DTNA: variants seen among roughly 807,000 people sequenced by gnomAD.
The protein encoded by DTNA is dystrophin-related protein 3.
In DTNA, 43 loss-of-function variants were observed where a neutral mutation model predicts 100.7. The observed-to-expected ratio is 0.43, with a 90% CI of 0.33 to 0.55. The LOEUF (loss-of-function observed/expected upper bound fraction) is 0.55. Among genes scored for constraint, DTNA ranks in the 20% least tolerant of loss-of-function variants. The pLI is 0.04. For missense variants in DTNA, 798 were observed against 953.9 expected, an observed-to-expected ratio of 0.84 and a Z score of 2.15; for synonymous variants, 349 against 347.9, an observed-to-expected ratio of 1.00 and a Z score of -0.04.
intron 1 of DTNA, among the ~76,000 whole-genome samples, chr18:34,544,496 A>T (rs1222362038): frequency 2.0e-5 from 3 of 152,114 alleles, no homozygotes; most frequent in African/African-American, 4.8e-5. Context: ...CTAGAAAGGA[A>T]AATCAAGGAA....
At position 34,868,574 on chromosome 18, in the gene DTNA, C is replaced by T. The variant is rs371645269; in HGVS notation, c.1743+4512C>T. 4.8e-4 allele frequency: 470 copies of T among 985,432 alleles called. No homozygotes were observed. In the Middle Eastern group the frequency reaches 5.7e-3, roughly 12 times the overall value. The allele number at this position is 985,432 out of a possible 1,614,324, so 61.0% of individuals were successfully genotyped here. On this transcript the variant is annotated intron_variant, in intron 17 of 22. Coordinates refer to ENST00000444659, the MANE Select transcript of DTNA (RefSeq NM_001386795.1). ...TAAAACCAAACTTAGAACACCCCCA[C>T]ACAACAAATTGTGCTGGATTTAATA...
At chr18:34,887,651 G>C (rs566519126) in intron 22 of DTNA, 115 bp from the exon 23 acceptor site, 1 of 727,342 alleles carries the variant, frequency 1.4e-6, no homozygotes, top group East Asian at 1.3e-4. Flanking sequence ...ATGTGTGTGT[G>C]TGTGTGCGCG....
chr18:34,802,375 T>C (rs999975622), intron 4 of DTNA, among the ~76,000 whole-genome samples: 7 of 152,220 alleles, frequency 4.6e-5, no homozygotes, highest in Admixed American at 1.3e-4. Flanking sequence ...CTGAGGAGCT[T>C]CCCATTATCC....
chr18:34,826,656 A>G (rs1195729018), intron 9 of DTNA, among the ~76,000 whole-genome samples: 1 of 152,198 alleles, frequency 6.6e-6, no homozygotes, highest in Non-Finnish European at 1.5e-5. Flanking sequence ...CAAATATAGA[A>G]TTATAGTGAA....
chr18:34,820,697 C>T (rs777044068), intron 8 of DTNA, 94 bp from the exon 9 acceptor site: 230 of 1,578,054 alleles, frequency 1.5e-4, no homozygotes, highest in Non-Finnish European at 1.9e-4. Context: ...GGATTTCTTC[C>T]GTAAATGAAT....
intron 1 of DTNA, among the ~76,000 whole-genome samples, chr18:34,536,053 CATAAA>C (rs1446544132): frequency 6.6e-6 from 1 of 151,944 alleles, no homozygotes; most frequent in African/African-American, 2.4e-5. Context: ...AATTTTCTGA[CATAAA>C]ATAAGGTGTA....
In DTNA at chr18:34,838,602, T is replaced by C; in HGVS notation, c.1254-143T>C. On this transcript the variant is annotated intron_variant, in intron 12 of 22. Transcript: ENST00000444659. ...ATTGCCTGGATTTCACTTGTGTTTT[T>C]CATAGCACATCACTTACTACCCTTC... The C allele has an allele frequency of 5.6e-6, 4 of 718,308 alleles. No individual in the cohort carries two copies. In the South Asian group the frequency reaches 5.9e-5, roughly 11 times the overall value. 44.5% of individuals were successfully genotyped at this position (718,308 alleles called of 1,614,324 possible). A position where few individuals can be genotyped will look rare whatever the true frequency, so the allele number is the denominator to read the frequency against.
upstream of DTNA, among the ~76,000 whole-genome samples, chr18:34,706,719 C>G (rs941052394): frequency 8.5e-5 from 13 of 152,066 alleles, no homozygotes; most frequent in Admixed American, 6.6e-4. Flanking sequence ...AGGAAAAGTG[C>G]ATGTTTGAAA....
intron 3 of DTNA, among the ~76,000 whole-genome samples, chr18:34,775,287 C>T (rs1168455602): frequency 1.3e-5 from 2 of 152,060 alleles, no homozygotes. Context: ...GAGATCGAGA[C>T]GATCCTGGTG....
intron 1 of DTNA, among the ~76,000 whole-genome samples, chr18:34,645,770 C>T (rs9961854): frequency 0.057 from 8,629 of 152,212 alleles, 735 homozygotes; most frequent in African/African-American, 0.19. Flanking sequence ...AAAAGTAAGT[C>T]AGATGCTTTC....
At position 34,630,381 on chromosome 18, in the gene DTNA, C is replaced by T. The variant is rs146966402; in HGVS notation, c.-1-125595C>T. Among the ~76,000 whole-genome samples, 13 of 152,224 alleles carry T rather than the reference C, an allele frequency of 8.5e-5. No homozygotes were observed. The East Asian group carries it at 2.5e-3, about 29-fold the overall frequency. On this transcript the variant is annotated intron_variant, in intron 1 of 19. Transcript: ENST00000283365. ...GAAATAACTGATACTAACTCTAAGC[C>T]TTAGCTGCTAATCACATGCAGTGTA...
At chr18:34,582,421 T>C (rs936333327) in intron 1 of DTNA, among the ~76,000 whole-genome samples, 2 of 152,164 alleles carry the variant, frequency 1.3e-5, no homozygotes, top group Admixed American at 1.3e-4. Context: ...GGGACACTGG[T>C]ATTTCTTCTA....
chr18:34,525,668 C>T (rs546379739), intron 1 of DTNA, among the ~76,000 whole-genome samples: 1 of 152,114 alleles, frequency 6.6e-6, no homozygotes, highest in Non-Finnish European at 1.5e-5. Flanking sequence ...TAAAACTACT[C>T]CTCTGACGCT....
At chr18:34,761,662 A>G (rs2093178298) in intron 2 of DTNA, among the ~76,000 whole-genome samples, 1 of 152,250 alleles carries the variant, frequency 6.6e-6, no homozygotes, top group African/African-American at 2.4e-5. Flanking sequence ...ACATGGGTAC[A>G]AGAGGCTTGA....
intron 2 of DTNA, among the ~76,000 whole-genome samples, chr18:34,763,661 A>G (rs2093320003): frequency 6.6e-6 from 1 of 152,186 alleles, no homozygotes; most frequent in Non-Finnish European, 1.5e-5. Flanking sequence ...TGTATATTCT[A>G]TACAGGTAAA....
At chr18:34,838,209 A>C (rs754615804) in intron 12 of DTNA, 38 bp downstream of exon 12, 1 of 1,604,968 alleles carries the variant, frequency 6.2e-7, no homozygotes, top group Non-Finnish European at 8.5e-7. Flanking sequence ...CCCTGCATTA[A>C]CTAAACTAAA....
chr18:34,581,622 T>G (rs1359428663), intron 1 of DTNA, among the ~76,000 whole-genome samples: 2 of 90,126 alleles, frequency 2.2e-5, no homozygotes, highest in Non-Finnish European at 4.1e-5. Context: ...CCCTAGTTAG[T>G]TTTTTTTTTT....
rs1048298227 is a variant in DTNA at position 34,829,536 on chromosome 18, GC to G, written c.1175+48del. ...TGCTAATCGTAGTAGTAGTTCCATA[GC>G]TAGACTGATAAGTCATTCTACTCTG... is the stretch of plus-strand genomic sequence containing the variant. On this transcript the variant is annotated intron_variant, in intron 11 of 22. Transcript: ENST00000444659. The G allele has an allele frequency of 4.3e-5, 62 of 1,448,316 alleles. No homozygotes were observed. In the African/African-American group the frequency reaches 7.7e-4, roughly 18 times the overall value. 89.7% of individuals were successfully genotyped at this position (1,448,316 alleles called of 1,614,324 possible). A position where few individuals can be genotyped will look rare whatever the true frequency, so the allele number is the denominator to read the frequency against.
At chr18:34,887,350 C>T (rs572688245) in intron 22 of DTNA, among the ~76,000 whole-genome samples, 4 of 152,194 alleles carry the variant, frequency 2.6e-5, no homozygotes, top group Non-Finnish European at 5.9e-5. Context: ...TGGTACACCA[C>T]TGTCCTTGGC....
Sources: allele counts gnomAD v4.1 joint callset (sites outside exome capture counted in the v4.1 genomes callset), GRCh38; gene constraint gnomAD v4.1.1; transcripts MANE v1.5; gene names NCBI Gene and HGNC (gene_info 2026-07-23, HGNC 2026-07-21).